The following LDLRAD4 variants were observed in gnomAD, a reference collection of about 807,000 sequenced individuals.
LDLRAD4 encodes the protein low-density lipoprotein receptor class A domain-containing protein 4.
Under a neutral mutation model 17.0 loss-of-function variants are expected in LDLRAD4, and 5 were observed. That is an observed-to-expected ratio of 0.29 (90% CI 0.15 to 0.62). The LOEUF is 0.62. Ranked by LOEUF, LDLRAD4 falls within the 20% of genes least tolerant of loss-of-function variation. LDLRAD4 has a pLI of 0.84. For synonymous variants in LDLRAD4, 168 were observed against 171.8 expected (o/e 0.98, Z 0.17); for missense variants, 340 against 424.7 (o/e 0.80, Z 1.75).
At chr18:13,569,323 A>G (rs1476924684) in intron 3 of LDLRAD4, among the ~76,000 whole-genome samples, 1 of 152,156 alleles carries the variant, frequency 6.6e-6, no homozygotes. Flanking sequence ...GCCCTGCGCT[A>G]TCTGGGGAAT....
chr18:13,443,779 G>T (rs942353928), intron 3 of LDLRAD4, among the ~76,000 whole-genome samples: 1 of 151,868 alleles, frequency 6.6e-6, no homozygotes, highest in Admixed American at 6.6e-5. Flanking sequence ...TTGTTCTGCA[G>T]TTTCCGTACT....
rs550728414 is a variant in LDLRAD4, at chr18:13,325,885, C to T, written c.-383+47697C>T. On this transcript the variant is annotated intron_variant, in intron 1 of 5. Coordinates refer to ENST00000359446, the Ensembl canonical transcript of LDLRAD4. ...CTCCTGCCTCAGCCTCCCGAGTAGCCGGGACTACAGGTGCCCGCCACCGTG... is the reference window on the plus strand; with the variant it reads ...CTCCTGCCTCAGCCTCCCGAGTAGCTGGGACTACAGGTGCCCGCCACCGTG... Among the ~76,000 whole-genome samples, 177 of 152,056 alleles carry T rather than the reference C, an allele frequency of 1.2e-3. 1 individual carries two copies. Among genetic ancestry groups the T allele is most frequent in the Non-Finnish European group, 2.1e-3 (142 of 67,946 alleles).
intron 1 of LDLRAD4, among the ~76,000 whole-genome samples, chr18:13,316,928 A>G (rs150990863): frequency 1.5e-4 from 23 of 152,356 alleles, no homozygotes; most frequent in African/African-American, 5.5e-4. Context: ...TTTCACTCAA[A>G]CACTTCATAA....
rs116031125 is a variant in LDLRAD4, at chr18:13,483,073, A to G, written c.181+44689A>G. 4.2e-3 allele frequency among the ~76,000 whole-genome samples: 643 copies of G among 152,214 alleles called. 9 individuals carry two copies. The highest frequency in any genetic ancestry group is 0.015 in the African/African-American group (620 of 41,524). On this transcript the variant is annotated intron_variant, in intron 3 of 5. Coordinates refer to ENST00000359446, the Ensembl canonical transcript of LDLRAD4. The stretch of plus-strand genomic sequence containing the variant: ...GGAGAGAGGCCTTGGTTCTGAGCTT[A>G]TTTCTGAGGCCTTTCAATCTCCATT...
intron 3 of LDLRAD4, chr18:13,500,683 T>C (rs573482477): frequency 6.6e-6 from 1 of 152,100 alleles, no homozygotes; most frequent in Admixed American, 6.5e-5. Context: ...TGAGTAACAA[T>C]GGAGAAAATC....
chr18:13,315,550 C>T (rs940051120), intron 1 of LDLRAD4, among the ~76,000 whole-genome samples: 4 of 151,904 alleles, frequency 2.6e-5, no homozygotes, highest in South Asian at 2.1e-4. Context: ...TTTGGGAGGC[C>T]GAGGCGGGAG....
exon 6 of LDLRAD4, chr18:13,648,602 C>T (rs1305648941): frequency 6.6e-6 from 1 of 152,194 alleles, no homozygotes; most frequent in Non-Finnish European, 1.5e-5. Flanking sequence ...ACAACTTACA[C>T]AGTGGGGCCT....
At chr18:13,455,098 G>A (rs1325607283) in intron 3 of LDLRAD4, among the ~76,000 whole-genome samples, 1 of 152,208 alleles carries the variant, frequency 6.6e-6, no homozygotes, top group Non-Finnish European at 1.5e-5. Flanking sequence ...GCTGGGGGCT[G>A]GGGAGGGGGC....
At chr18:13,587,620 C>T (rs1390357407) in intron 3 of LDLRAD4, among the ~76,000 whole-genome samples, 3 of 152,234 alleles carry the variant, frequency 2.0e-5, no homozygotes, top group Non-Finnish European at 4.4e-5. Flanking sequence ...CTCCAATAGA[C>T]ACATGATAGT....
intron 2 of LDLRAD4, among the ~76,000 whole-genome samples, chr18:13,429,781 G>A (rs1198060617): frequency 3.3e-5 from 5 of 152,342 alleles, no homozygotes; most frequent in South Asian, 2.1e-4. Flanking sequence ...GGTTCCTGAC[G>A]CAGCTCCCGC....
At chr18:13,497,885 C>G (rs1483019010) in intron 3 of LDLRAD4, among the ~76,000 whole-genome samples, 4 of 151,344 alleles carry the variant, frequency 2.6e-5, no homozygotes, top group Non-Finnish European at 1.5e-5. Context: ...CACACGTGTC[C>G]CACTGTGGAC....
chr18:13,398,086 A>G lies in LDLRAD4; in HGVS notation c.40+10324A>G, dbSNP rs1019280079. Among the ~76,000 whole-genome samples, 2 of 152,294 alleles carry G rather than the reference A, an allele frequency of 1.3e-5. No individual in the cohort carries two copies. The highest frequency in any genetic ancestry group is 6.5e-5 in the Admixed American group (1 of 15,298). On this transcript the variant is annotated intron_variant, in intron 2 of 5. Coordinates refer to ENST00000359446, the Ensembl canonical transcript of LDLRAD4. The surrounding 1 kb of genome is among the most constrained non-coding windows in gnomAD (Gnocchi z 4.8). The stretch of plus-strand genomic sequence containing the variant: ...GACGCAGTGGCCAGTGGGGGCCACC[A>G]TGTCAGGGTTGAAAGTGGGGCTGTC...
chr18:13,378,836 T>TA (rs1568072258), intron 1 of LDLRAD4, among the ~76,000 whole-genome samples: 1 of 152,188 alleles, frequency 6.6e-6, no homozygotes, highest in Non-Finnish European at 1.5e-5. Flanking sequence ...GGGAACTTTT[T>TA]AAAAAAATCA....
intron 2 of LDLRAD4, among the ~76,000 whole-genome samples, chr18:13,416,015 G>C (rs2088860659): frequency 1.3e-5 from 2 of 152,232 alleles, no homozygotes; most frequent in African/African-American, 4.8e-5. Context: ...GTGCTGGCCA[G>C]TCATCACAGT....
At chr18:13,363,395 T>C (rs2083836155) in intron 1 of LDLRAD4, among the ~76,000 whole-genome samples, 1 of 151,334 alleles carries the variant, frequency 6.6e-6, no homozygotes, top group African/African-American at 2.4e-5. Flanking sequence ...GGCTTCATGT[T>C]GTTTCCCTTA....
chr18:13,457,225 G>A (rs111556268), intron 3 of LDLRAD4, among the ~76,000 whole-genome samples: 4 of 152,304 alleles, frequency 2.6e-5, no homozygotes, highest in African/African-American at 9.6e-5. Flanking sequence ...TTAATTTGCT[G>A]GGGGGTGCTC....
chr18:13,577,965 T>C (rs2094799451), intron 3 of LDLRAD4, among the ~76,000 whole-genome samples: 1 of 152,188 alleles, frequency 6.6e-6, no homozygotes. Flanking sequence ...AAAGAGGCTG[T>C]GCTTACTTTC....
chr18:13,480,715 C>T (rs2093062455), intron 3 of LDLRAD4, among the ~76,000 whole-genome samples: 1 of 152,152 alleles, frequency 6.6e-6, no homozygotes, highest in Non-Finnish European at 1.5e-5. Flanking sequence ...TTGCTGTGAA[C>T]CTAAAACTTC....
At position 13,611,704 on chromosome 18, in the gene LDLRAD4, G is replaced by C. The variant is rs547698501; in HGVS notation, c.182-9413G>C. The C allele has an allele frequency of 4.1e-5, 40 of 985,410 alleles. No homozygotes were observed. In the African/African-American group the frequency reaches 6.8e-4, roughly 17 times the overall value. 61.0% of individuals were successfully genotyped at this position (985,410 alleles called of 1,614,324 possible). A position where few individuals can be genotyped will look rare whatever the true frequency, so the allele number is the denominator to read the frequency against. ...ATCCTGACTTTGAAGGAGTCTCTGT[G>C]GTGTTTTTGTGCTACCATACATGGG... is the stretch of plus-strand genomic sequence containing the variant. On this transcript the variant is annotated intron_variant, in intron 3 of 5. Coordinates refer to ENST00000359446, the Ensembl canonical transcript of LDLRAD4.
Sources: gnomAD v4.1 joint callset for allele counts (sites outside exome capture counted in the v4.1 genomes callset) on GRCh38, gnomAD v4.1.1 for gene constraint, Gnocchi (gnomAD v3.1) non-coding constraint, MANE v1.5 for transcripts, NCBI Gene and HGNC (gene_info 2026-07-23, HGNC 2026-07-21) for gene names.